FRMD4A: variants seen among roughly 807,000 people sequenced by gnomAD.
FRMD4A encodes the protein FERM domain-containing protein 4A.
FRMD4A carries 29 observed loss-of-function variants against 129.1 expected under a neutral mutation model. The observed-to-expected ratio is 0.22, with a 90% confidence interval of 0.17 to 0.31. The LOEUF (loss-of-function observed/expected upper bound fraction) is 0.31, where lower values mean the gene tolerates loss of function less well. Ranked by LOEUF, FRMD4A falls within the 10% of genes least tolerant of loss-of-function variation. The probability of loss-of-function intolerance (pLI) is 1.00; values close to 1 mark genes in which losing one functional copy is unlikely to be tolerated. For missense variants in FRMD4A, 1,272 were observed against 1,375.8 expected (o/e 0.92, Z 1.19); for synonymous variants, 634 against 571.6 (o/e 1.11, Z -1.56).
chr10:13,886,752 T>A (rs1386530921), intron 2 of FRMD4A, among the ~76,000 whole-genome samples: 7 of 152,182 alleles, frequency 4.6e-5, no homozygotes, highest in Non-Finnish European at 1.0e-4. Flanking sequence ...TGGCTGGTTT[T>A]TCAGGTTTCT....
chr10:13,703,283 T>C (rs1414184052), intron 13 of FRMD4A, among the ~76,000 whole-genome samples: 1 of 152,148 alleles, frequency 6.6e-6, no homozygotes, highest in Admixed American at 6.5e-5. Flanking sequence ...CTATCATTAC[T>C]TTATCTCCTC....
rs192731878 is a variant in FRMD4A at position 14,198,639 on chromosome 10, T to C, written c.45+131419A>G. Among the ~76,000 whole-genome samples, 12 of 152,358 alleles carry C rather than the reference T, an allele frequency of 7.9e-5. No individual in the cohort carries two copies. The South Asian group carries it at 1.5e-3, about 18-fold the overall frequency. On this transcript the variant is annotated intron_variant, in intron 2 of 24. Transcript: ENST00000357447. ...CCTCATTGTCCTCTTATCACAGATA[T>C]GTTTTGTTGAACAAATCAGTATTTC...
chr10:14,271,657 C>CTTCTGTG (rs1181503649), intron 2 of FRMD4A, among the ~76,000 whole-genome samples: 1 of 152,190 alleles, frequency 6.6e-6, no homozygotes, highest in Non-Finnish European at 1.5e-5. Flanking sequence ...TTATTGCCTT[C>CTTCTGTG]TTCTTTGTTC....
At chr10:14,148,840 A>G (rs1012939396) in intron 2 of FRMD4A, among the ~76,000 whole-genome samples, 1 of 152,118 alleles carries the variant, frequency 6.6e-6, no homozygotes, top group African/African-American at 2.4e-5. Context: ...ACCTAGAAAC[A>G]TTTAGCTTTA....
At chr10:14,180,793 A>G (rs1589135076) in intron 2 of FRMD4A, among the ~76,000 whole-genome samples, 1 of 152,194 alleles carries the variant, frequency 6.6e-6, no homozygotes, top group African/African-American at 2.4e-5. Flanking sequence ...TGGCTCACCC[A>G]TGCGCAGTGA....
At chr10:13,655,068 C>G (rs2082025218) in intron 22 of FRMD4A, 1 of 153,814 alleles carries the variant, frequency 6.5e-6, no homozygotes, top group South Asian at 2.1e-4. Flanking sequence ...GGGAGCAGGG[C>G]TTTTAATAGC....
At chr10:14,077,286 T>C (rs1235406255) in intron 2 of FRMD4A, among the ~76,000 whole-genome samples, 1 of 152,238 alleles carries the variant, frequency 6.6e-6, no homozygotes, top group Non-Finnish European at 1.5e-5. Flanking sequence ...CTGTTCTCAC[T>C]GTCTGGGAAG....
intron 2 of FRMD4A, among the ~76,000 whole-genome samples, chr10:14,133,197 G>A (rs900704045): frequency 8.5e-5 from 13 of 152,200 alleles, no homozygotes; most frequent in African/African-American, 2.9e-4. Context: ...TTTTGCTAAA[G>A]AGCACTTGAG....
At chr10:13,763,503 GT>G (rs2092158042) in intron 6 of FRMD4A, among the ~76,000 whole-genome samples, 1 of 152,088 alleles carries the variant, frequency 6.6e-6, no homozygotes, top group South Asian at 2.1e-4. Flanking sequence ...GATACAGAAC[GT>G]TTCTACCACT....
At chr10:14,222,072 G>A (rs2131973432) in intron 2 of FRMD4A, among the ~76,000 whole-genome samples, 1 of 152,254 alleles carries the variant, frequency 6.6e-6, no homozygotes, top group African/African-American at 2.4e-5. Context: ...TGCCATATGT[G>A]TCCAATGTCT....
At chr10:13,667,131 C>T (rs1236119177) in intron 17 of FRMD4A, among the ~76,000 whole-genome samples, 1 of 152,084 alleles carries the variant, frequency 6.6e-6, no homozygotes, top group Non-Finnish European at 1.5e-5. Flanking sequence ...AGGCTGGTCT[C>T]GAACTCCTGA....
chr10:13,663,324 C>T, intron 19 of FRMD4A, 129 bp downstream of exon 19: 4 of 643,880 alleles, frequency 6.2e-6, no homozygotes, highest in Non-Finnish European at 1.1e-5. Flanking sequence ...AATGAGAGAG[C>T]TTGCAGGGAG....
At chr10:14,173,405 TC>T (rs1841575664) in intron 2 of FRMD4A, among the ~76,000 whole-genome samples, 2 of 152,168 alleles carry the variant, frequency 1.3e-5, no homozygotes, top group African/African-American at 4.8e-5. Flanking sequence ...CGTGAGCATT[TC>T]TAAATGTTAC....
chr10:14,329,933 C>T, intron 2 of FRMD4A, 125 bp downstream of exon 2: 1 of 857,054 alleles, frequency 1.2e-6, no homozygotes, highest in Non-Finnish European at 1.9e-6. Context: ...TTCCAAAGAG[C>T]CTGCGGGATA....
chr10:13,844,098 T>G (rs1293890698), intron 3 of FRMD4A, among the ~76,000 whole-genome samples: 5 of 152,138 alleles, frequency 3.3e-5, no homozygotes, highest in Admixed American at 2.6e-4. Flanking sequence ...GTGTGTTATA[T>G]GAATGCGTAT....
chr10:13,801,924 TGC>T (rs1376247135), intron 4 of FRMD4A, among the ~76,000 whole-genome samples: 1 of 149,866 alleles, frequency 6.7e-6, no homozygotes, highest in Non-Finnish European at 1.5e-5. Context: ...AACTAAGAGA[TGC>T]CTTATAGCTT....
intron 2 of FRMD4A, among the ~76,000 whole-genome samples, chr10:14,155,540 G>A (rs914534236): frequency 6.6e-6 from 1 of 152,126 alleles, no homozygotes; most frequent in Non-Finnish European, 1.5e-5. Context: ...ATGTGGGCTT[G>A]TTTTCAGTCA....
At chr10:14,273,059 T>TAC (rs59318900) in intron 2 of FRMD4A, among the ~76,000 whole-genome samples, 21,307 of 143,824 alleles carry the variant, frequency 0.15, 1,563 homozygotes, top group Middle Eastern at 0.18. Context: ...TTACCAGAAA[T>TAC]ACACACACAC....
chr10:14,037,798 C>T (rs1409971176), intron 2 of FRMD4A, among the ~76,000 whole-genome samples: 1 of 152,154 alleles, frequency 6.6e-6, no homozygotes, highest in Non-Finnish European at 1.5e-5. Flanking sequence ...AAATCTTGGG[C>T]ACTGTGATGG....
Sources: allele counts gnomAD v4.1 joint callset (sites outside exome capture counted in the v4.1 genomes callset), GRCh38; gene constraint gnomAD v4.1.1; transcripts MANE v1.5; gene names NCBI Gene and HGNC (gene_info 2026-07-23, HGNC 2026-07-21).